The following HHLA2 variants were observed in gnomAD, a reference collection of about 807,000 sequenced individuals.
The protein encoded by HHLA2 is HERV-H LTR-associating protein 2.
Under a neutral mutation model 45.9 loss-of-function variants are expected in HHLA2, and 48 were observed. That is an observed-to-expected ratio of 1.05 (90% CI 0.83 to 1.33). The LOEUF (loss-of-function observed/expected upper bound fraction) is 1.33, where lower values mean the gene tolerates loss of function less well. Among genes scored for constraint, HHLA2 ranks in the 40% most tolerant of loss-of-function variants. HHLA2 has a pLI of 0.00. For missense variants in HHLA2, 462 were observed against 494.3 expected (o/e 0.93, Z 0.62); for synonymous variants, 161 against 173.9 (o/e 0.93, Z 0.59).
intron 8 of HHLA2, among the ~76,000 whole-genome samples, chr3:108,369,675 T>C (rs531255517): frequency 6.6e-6 from 1 of 152,248 alleles, no homozygotes; most frequent in Non-Finnish European, 1.5e-5. Context: ...ATCCTGTGCA[T>C]GACTCAGAGG....
At chr3:108,340,687 T>C (rs1340497517) in intron 3 of HHLA2, among the ~76,000 whole-genome samples, 1 of 152,144 alleles carries the variant, frequency 6.6e-6, no homozygotes, top group Non-Finnish European at 1.5e-5. Flanking sequence ...AGTTAAGGCA[T>C]TGAAATACAA....
chr3:108,350,357 C>T (rs2081754259), intron 3 of HHLA2, among the ~76,000 whole-genome samples: 1 of 152,044 alleles, frequency 6.6e-6, no homozygotes, highest in East Asian at 1.9e-4. Flanking sequence ...AGAAAATGTA[C>T]AGTTTTGTTA....
chr3:108,341,275 A>C (rs2081567289), intron 3 of HHLA2, among the ~76,000 whole-genome samples: 2 of 152,198 alleles, frequency 1.3e-5, no homozygotes, highest in Admixed American at 1.3e-4. Context: ...CTTGTATAAA[A>C]GAAAATTCCC....
intron 7 of HHLA2, among the ~76,000 whole-genome samples, chr3:108,361,297 A>G (rs1042959720): frequency 4.7e-4 from 72 of 152,206 alleles, no homozygotes; most frequent in Admixed American, 4.6e-3. Context: ...TCTGAGTAGC[A>G]TGATGAAATT....
At chr3:108,335,382 C>T (rs1424961265) in intron 3 of HHLA2, among the ~76,000 whole-genome samples, 1 of 152,168 alleles carries the variant, frequency 6.6e-6, no homozygotes, top group Non-Finnish European at 1.5e-5. Context: ...CAAAGGATGA[C>T]TTTTCAGGAT....
intron 3 of HHLA2, among the ~76,000 whole-genome samples, chr3:108,349,007 T>G (rs1295751430): frequency 1.3e-5 from 2 of 152,166 alleles, no homozygotes; most frequent in Non-Finnish European, 2.9e-5. Flanking sequence ...ATGGTGTATA[T>G]GTGCCACATT....
At chr3:108,371,549 A>T (rs11920366) in intron 8 of HHLA2, among the ~76,000 whole-genome samples, 180 of 152,348 alleles carry the variant, frequency 1.2e-3, no homozygotes, top group African/African-American at 4.0e-3. Context: ...TAAACAGTCA[A>T]GACCCATCAG....
intron 9 of HHLA2, 48 bp from the exon 9 acceptor site, chr3:108,376,445 G>A: frequency 6.9e-7 from 1 of 1,445,270 alleles, no homozygotes; most frequent in Non-Finnish European, 9.5e-7. Context: ...GGAGAATTTT[G>A]GTGTTTGCAA....
At chr3:108,374,187 C>T (rs1472240507) in intron 8 of HHLA2, among the ~76,000 whole-genome samples, 22 of 150,786 alleles carry the variant, frequency 1.5e-4, no homozygotes, top group Admixed American at 2.0e-4. Flanking sequence ...TATCTACAAC[C>T]ATCTGATCTT....
At chr3:108,342,198 G>A (rs1408517986) in intron 3 of HHLA2, among the ~76,000 whole-genome samples, 1 of 151,018 alleles carries the variant, frequency 6.6e-6, no homozygotes, top group Non-Finnish European at 1.5e-5. Context: ...TTCTTTTAAT[G>A]GTATTCTATT....
intron 1 of HHLA2, among the ~76,000 whole-genome samples, chr3:108,304,681 T>G (rs969481732): frequency 3.9e-5 from 6 of 152,164 alleles, no homozygotes; most frequent in African/African-American, 1.4e-4. Context: ...ACACCACAAA[T>G]CTACTGTGTC....
chr3:108,316,556 A>G (rs145051544), intron 2 of HHLA2, among the ~76,000 whole-genome samples: 95 of 152,290 alleles, frequency 6.2e-4, no homozygotes, highest in African/African-American at 2.1e-3. Context: ...GTGATGGGGT[A>G]GGCTGGAGAA....
At chr3:108,323,339 T>A (rs913864206) in intron 2 of HHLA2, among the ~76,000 whole-genome samples, 1 of 152,176 alleles carries the variant, frequency 6.6e-6, no homozygotes, top group East Asian at 1.9e-4. Flanking sequence ...CTCCATGATG[T>A]GCTTATTTCA....
At position 108,377,196 on chromosome 3, in the gene HHLA2, G is replaced by T. The variant is rs557671189; in HGVS notation, c.1225-62G>T. The T allele has an allele frequency of 6.3e-6, 7 of 1,112,998 alleles. No homozygotes were observed. In the African/African-American group the frequency reaches 9.4e-5, roughly 15 times the overall value. 68.9% of individuals were successfully genotyped at this position (1,112,998 alleles called of 1,614,324 possible). A position where few individuals can be genotyped will look rare whatever the true frequency, so the allele number is the denominator to read the frequency against. ...AACACTACTATCAATAAATATTTAA[G>T]ATATAAATGGTTATTCTGACTTGAA... On this transcript the variant is annotated intron_variant, in intron 10 of 10. Transcript: ENST00000619531.
At chr3:108,348,358 G>T (rs2081707140) in intron 3 of HHLA2, among the ~76,000 whole-genome samples, 1 of 152,114 alleles carries the variant, frequency 6.6e-6, no homozygotes, top group African/African-American at 2.4e-5. Flanking sequence ...ACTGTTTTTG[G>T]TGTTCTTGGT....
intron 4 of HHLA2, among the ~76,000 whole-genome samples, chr3:108,352,819 GA>G (rs2081804745): frequency 6.6e-6 from 1 of 152,100 alleles, no homozygotes; most frequent in South Asian, 2.1e-4. Context: ...ACCAACTCAG[GA>G]TATCCTGAGA....
chr3:108,298,329 C>T (rs2080796547), intron 1 of HHLA2, among the ~76,000 whole-genome samples: 2 of 152,272 alleles, frequency 1.3e-5, no homozygotes, highest in African/African-American at 2.4e-5. Context: ...ACATATGCCA[C>T]CAGAAAAATC....
At chr3:108,325,872 C>G in intron 2 of HHLA2, 1 of 398,450 alleles carries the variant, frequency 2.5e-6, no homozygotes, top group Non-Finnish European at 4.8e-6. Context: ...CTACTTTGAC[C>G]TCTTTGGCTG....
intron 1 of HHLA2, among the ~76,000 whole-genome samples, chr3:108,301,977 G>C (rs2080857738): frequency 6.6e-6 from 1 of 152,170 alleles, no homozygotes; most frequent in African/African-American, 2.4e-5. Flanking sequence ...AGCTGAGGTA[G>C]TGGGTTGATA....
Sources: gnomAD v4.1 joint callset for allele counts (sites outside exome capture counted in the v4.1 genomes callset) on GRCh38, gnomAD v4.1.1 for gene constraint, MANE v1.5 for transcripts, NCBI Gene and HGNC (gene_info 2026-07-23, HGNC 2026-07-21) for gene names.